The following INSC variants were observed in gnomAD, a reference collection of about 807,000 sequenced individuals.
INSC encodes protein inscuteable homolog.
A neutral mutation model predicts 58.6 loss-of-function variants in INSC; 67 were observed. That is an observed-to-expected ratio of 1.14 (90% CI 0.94 to 1.40). The LOEUF (loss-of-function observed/expected upper bound fraction) is 1.40, where lower values mean the gene tolerates loss of function less well. Ranked by LOEUF, INSC falls within the 40% of genes most tolerant of loss-of-function variation. The pLI is 0.00. For missense variants in INSC, 714 were observed against 692.0 expected, an observed-to-expected ratio of 1.03 and a Z score of -0.36; for synonymous variants, 262 against 276.1, an observed-to-expected ratio of 0.95 and a Z score of 0.51.
At chr11:15,237,537 T>A (rs1196890486) in intron 10 of INSC, among the ~76,000 whole-genome samples, 1 of 152,078 alleles carries the variant, frequency 6.6e-6, no homozygotes, top group Non-Finnish European at 1.5e-5. Context: ...TGAAGAGAGT[T>A]TAATGAAGGA....
intron 2 of INSC, among the ~76,000 whole-genome samples, chr11:15,175,288 C>T (rs1019674939): frequency 1.3e-5 from 2 of 152,168 alleles, no homozygotes; most frequent in Admixed American, 1.3e-4. Flanking sequence ...TGGAAAGCAT[C>T]ATTTTAAATA....
chr11:15,240,871 G>A (rs1327462484), intron 12 of INSC, among the ~76,000 whole-genome samples: 1 of 152,166 alleles, frequency 6.6e-6, no homozygotes, highest in Non-Finnish European at 1.5e-5. Flanking sequence ...AGCTAGGATA[G>A]GGATATCCCC....
intron 5 of INSC, among the ~76,000 whole-genome samples, chr11:15,187,485 G>T (rs181061158): frequency 6.6e-6 from 1 of 152,294 alleles, no homozygotes; most frequent in African/African-American, 2.4e-5. Context: ...TTAGGGAGAG[G>T]TCTCACAATA....
intron 2 of INSC, among the ~76,000 whole-genome samples, chr11:15,149,815 G>A (rs770385866): frequency 6.6e-6 from 1 of 152,144 alleles, no homozygotes; most frequent in African/African-American, 2.4e-5. Context: ...GGTTTGATGT[G>A]GCTGGTCCTG....
chr11:15,114,984 C>G lies in INSC; in HGVS notation c.-65C>G. The G allele has an allele frequency of 1.0e-6, 1 of 985,496 alleles. No homozygotes were observed. The highest frequency in any genetic ancestry group is 1.2e-6 in the Non-Finnish European group (1 of 829,956). The allele number at this position is 985,496 out of a possible 1,614,324, so 61.0% of individuals were successfully genotyped here. A position where few individuals can be genotyped will look rare whatever the true frequency, so the allele number is the denominator to read the frequency against. ...CGCCACCACTGGCCGCTCGCACTAC[C>G]AGCCTGTCTCGCACGCTAAGTAAGT... On this transcript the variant is annotated 5_prime_UTR_variant, in exon 1 of 13. Coordinates refer to ENST00000379556, the MANE Select transcript of INSC (RefSeq NM_001042536.3).
the INSC span, among the ~76,000 whole-genome samples, chr11:15,260,698 A>G: frequency 6.6e-6 from 1 of 152,146 alleles, no homozygotes; most frequent in Non-Finnish European, 1.5e-5. Flanking sequence ...ATTATAATAG[A>G]CCTGGGGGAC....
At chr11:15,253,612 A>G in the INSC span, among the ~76,000 whole-genome samples, 30,019 of 149,994 alleles carry the variant, frequency 0.2, 3,156 homozygotes, top group African/African-American at 0.25. Context: ...TGGAAAACTC[A>G]AGCCAAAGAT....
chr11:15,152,276 T>G (rs1848677990), intron 2 of INSC, among the ~76,000 whole-genome samples: 1 of 152,178 alleles, frequency 6.6e-6, no homozygotes, highest in South Asian at 2.1e-4. Flanking sequence ...TCAACTGATC[T>G]TGTAGGAAGA....
At chr11:15,247,733 G>GTATATATAGATATATATATATATA (rs1554931673), downstream of INSC, among the ~76,000 whole-genome samples, 1 of 127,458 alleles carries the variant, frequency 7.8e-6, no homozygotes, top group Non-Finnish European at 1.7e-5. Flanking sequence ...TAGAAATAAG[G>GTATATATAGATATATATATATATA]TATATATATA....
At chr11:15,221,950 G>A (rs1406758397) in intron 8 of INSC, among the ~76,000 whole-genome samples, 1 of 152,092 alleles carries the variant, frequency 6.6e-6, no homozygotes, top group Non-Finnish European at 1.5e-5. Flanking sequence ...AAAGGAATGG[G>A]GCCTCAAATT....
chr11:15,112,391 A>C, upstream of INSC: 1 of 1,226,342 alleles, frequency 8.2e-7, no homozygotes, highest in South Asian at 1.4e-5. Flanking sequence ...ATGGCCCAGA[A>C]GGGTGGGCAA....
In INSC at chr11:15,221,379, C is replaced by T. The variant is rs1387710124; in HGVS notation, c.820-98C>T. ...TGTTCTGGGAAGCCAGAGCTGGCTT[C>T]CATGTAGTGGGGGCTGAATCTGTAT... On this transcript the variant is annotated intron_variant, in intron 7 of 12. Transcript: ENST00000379556. 22 of 1,402,878 alleles carry T rather than the reference C, an allele frequency of 1.6e-5. No individual in the cohort carries two copies. In the Admixed American group the frequency reaches 4.9e-4, roughly 31 times the overall value. 86.9% of individuals were successfully genotyped at this position (1,402,878 alleles called of 1,614,324 possible). A position where few individuals can be genotyped will look rare whatever the true frequency, so the allele number is the denominator to read the frequency against.
chr11:15,134,362 TTAGAATGACCTGACTA>T (rs1194273492), intron 1 of INSC, among the ~76,000 whole-genome samples: 1 of 152,176 alleles, frequency 6.6e-6, no homozygotes, highest in Admixed American at 6.5e-5. Flanking sequence ...AAAAGATATC[TTAGAATGACCTGACTA>T]TAGTAAATTT....
In INSC at chr11:15,191,142, G is replaced by A. The variant is rs1303332996; in HGVS notation, c.693+328G>A. 2.6e-4 allele frequency among the ~76,000 whole-genome samples: 39 copies of A among 151,874 alleles called. 1 individual carries two copies. The highest frequency in any genetic ancestry group is 2.3e-3 in the Admixed American group (35 of 15,236). On this transcript the variant is annotated intron_variant, in intron 6 of 12. Transcript: ENST00000379556. ...ACTACAGGCGCCTGCCACCACGTCC[G>A]GCTAATTTTTGTATTTTTAGTAGAG...
the INSC span, among the ~76,000 whole-genome samples, chr11:15,260,619 A>G: frequency 3.3e-5 from 5 of 152,172 alleles, no homozygotes; most frequent in Non-Finnish European, 5.9e-5. Context: ...ACAAAACAAG[A>G]TGCAACTTAT....
intron 1 of INSC, among the ~76,000 whole-genome samples, chr11:15,146,069 A>G (rs1161808643): frequency 1.3e-5 from 2 of 152,252 alleles, no homozygotes; most frequent in East Asian, 3.8e-4. Context: ...TGATGATGGC[A>G]TTAAACGAAC....
intron 2 of INSC, among the ~76,000 whole-genome samples, chr11:15,160,994 T>A (rs1448132445): frequency 6.6e-6 from 1 of 152,180 alleles, no homozygotes; most frequent in Non-Finnish European, 1.5e-5. Flanking sequence ...ATGTGCAAGT[T>A]CTTGATAAGT....
At chr11:15,221,763 G>GCCACT in intron 8 of INSC, 115 bp downstream of exon 8, 1 of 897,534 alleles carries the variant, frequency 1.1e-6, no homozygotes, top group Non-Finnish European at 1.7e-6. Context: ...AATATCTCCT[G>GCCACT]CATAGATGAT....
chr11:15,172,298 C>T (rs552634100), intron 2 of INSC, among the ~76,000 whole-genome samples: 61 of 152,244 alleles, frequency 4.0e-4, no homozygotes, highest in African/African-American at 1.4e-3. Context: ...CCTTTTCCAT[C>T]GTGTCAATCT....
Sources: gnomAD v4.1 joint callset for allele counts (sites outside exome capture counted in the v4.1 genomes callset) on GRCh38, gnomAD v4.1.1 for gene constraint, MANE v1.5 for transcripts, NCBI Gene and HGNC (gene_info 2026-07-23, HGNC 2026-07-21) for gene names.